Variants in NARS2 observed in about 807,000 individuals in gnomAD.
The protein encoded by NARS2 is asparaginyl-tRNA synthetase.
NARS2 carries 60 observed loss-of-function variants against 62.9 expected under a neutral mutation model. The observed-to-expected ratio is 0.95, with a 90% confidence interval of 0.77 to 1.18. The LOEUF is 1.18. NARS2 is among the 50% of genes most tolerant of loss of function. The pLI is 0.00. For missense variants in NARS2, 619 were observed against 576.4 expected (o/e 1.07, Z -0.76); for synonymous variants, 196 against 200.0 (o/e 0.98, Z 0.17).
chr11:78,476,956 A>AT (rs1859125839), intron 9 of NARS2, among the ~76,000 whole-genome samples: 1 of 152,084 alleles, frequency 6.6e-6, no homozygotes. Context: ...CTTTTACTCA[A>AT]CCTCTTTGCA....
intron 5 of NARS2, among the ~76,000 whole-genome samples, chr11:78,538,629 A>G (rs900445020): frequency 2.0e-5 from 3 of 152,126 alleles, no homozygotes; most frequent in Non-Finnish European, 2.9e-5. Flanking sequence ...GTACGTGGGA[A>G]GGGGGTGTCA....
At chr11:78,438,207 G>C (rs1461335862) in intron 13 of NARS2, among the ~76,000 whole-genome samples, 3 of 151,774 alleles carry the variant, frequency 2.0e-5, no homozygotes, top group Non-Finnish European at 4.4e-5. Flanking sequence ...CTTTTTAAAG[G>C]AAAAGATTAA....
chr11:78,486,949 T>C (rs1419848967), intron 7 of NARS2, among the ~76,000 whole-genome samples: 2 of 152,060 alleles, frequency 1.3e-5, no homozygotes, highest in African/African-American at 2.4e-5. Flanking sequence ...GGAAAATATG[T>C]GAAATAAAAA....
At chr11:78,445,949 G>T (rs1857744959) in intron 11 of NARS2, among the ~76,000 whole-genome samples, 1 of 152,040 alleles carries the variant, frequency 6.6e-6, no homozygotes, top group Non-Finnish European at 1.5e-5. Context: ...CGACAGGCAA[G>T]ACCTTGTCTC....
chr11:78,462,396 CA>C (rs774950007), intron 11 of NARS2, among the ~76,000 whole-genome samples: 16 of 152,078 alleles, frequency 1.1e-4, no homozygotes, highest in Non-Finnish European at 2.4e-4. Flanking sequence ...AATCATACAT[CA>C]ATTATGTTGC....
chr11:78,472,498 A>T (rs1299180157), intron 9 of NARS2, among the ~76,000 whole-genome samples: 1 of 152,236 alleles, frequency 6.6e-6, no homozygotes, highest in African/African-American at 2.4e-5. Context: ...TTTCAGAACC[A>T]TAATAATATA....
intron 1 of NARS2, among the ~76,000 whole-genome samples, chr11:78,572,958 C>T (rs1012175515): frequency 2.0e-5 from 3 of 152,140 alleles, no homozygotes; most frequent in Non-Finnish European, 4.4e-5. Flanking sequence ...TGGTAGCTAC[C>T]ATATCAGACC....
At chr11:78,489,800 C>G (rs1859738985) in intron 7 of NARS2, among the ~76,000 whole-genome samples, 1 of 152,136 alleles carries the variant, frequency 6.6e-6, no homozygotes, top group Non-Finnish European at 1.5e-5. Flanking sequence ...CATGTGTAAT[C>G]CCAACACTTT....
At chr11:78,553,509 G>A (rs547699214) in intron 5 of NARS2, among the ~76,000 whole-genome samples, 3 of 152,130 alleles carry the variant, frequency 2.0e-5, no homozygotes, top group Admixed American at 6.5e-5. Flanking sequence ...GGCTGGTCTC[G>A]AACTCCTGAC....
intron 10 of NARS2, among the ~76,000 whole-genome samples, chr11:78,467,567 A>T (rs11603914): frequency 0.49 from 65,036 of 132,864 alleles, 14,506 homozygotes; most frequent in Middle Eastern, 0.59. Context: ...ATAAATAAAT[A>T]AATTAATTAA....
chr11:78,542,853 C>T (rs948223591), intron 5 of NARS2, among the ~76,000 whole-genome samples: 1 of 152,188 alleles, frequency 6.6e-6, no homozygotes, highest in East Asian at 1.9e-4. Flanking sequence ...CAGCCATGAT[C>T]GCTGGCTCAT....
chr11:78,495,129 T>G (rs565346237), intron 6 of NARS2, among the ~76,000 whole-genome samples: 2 of 152,324 alleles, frequency 1.3e-5, no homozygotes, highest in East Asian at 3.9e-4. Flanking sequence ...CAAATCTGAT[T>G]ATGTCAGCCC....
intron 6 of NARS2, 92 bp downstream of exon 6, chr11:78,528,750 T>A: frequency 3.7e-6 from 3 of 811,090 alleles, no homozygotes; most frequent in Non-Finnish European, 6.2e-6. Flanking sequence ...TGATAAAGAC[T>A]AATTTCAACT....
intron 6 of NARS2, among the ~76,000 whole-genome samples, chr11:78,520,595 A>C (rs888031437): frequency 1.3e-5 from 2 of 152,218 alleles, no homozygotes; most frequent in Non-Finnish European, 2.9e-5. Context: ...AATTTATATT[A>C]AATTTTAACA....
chr11:78,444,801 T>C (rs938962221), intron 11 of NARS2, among the ~76,000 whole-genome samples: 1 of 144,082 alleles, frequency 6.9e-6, no homozygotes, highest in African/African-American at 2.6e-5. Context: ...TATAGGAAAA[T>C]AAAATAAAGA....
chr11:78,528,980 T>C, intron 5 of NARS2, 44 bp from the exon 6 acceptor site: 1 of 1,293,972 alleles, frequency 7.7e-7, no homozygotes, highest in South Asian at 1.2e-5. Context: ...TTAAATGTTT[T>C]GCTTTGCATT....
intron 11 of NARS2, among the ~76,000 whole-genome samples, chr11:78,447,418 C>T (rs968728851): frequency 2.6e-5 from 4 of 151,922 alleles, no homozygotes; most frequent in Admixed American, 6.6e-5. Context: ...AAATTAGTAC[C>T]GTCATTATGA....
chr11:78,454,881 T>A (rs1284428429), intron 11 of NARS2, among the ~76,000 whole-genome samples: 2 of 152,176 alleles, frequency 1.3e-5, no homozygotes, highest in Non-Finnish European at 2.9e-5. Flanking sequence ...CCTCCCAAAG[T>A]GCTGGGATCA....
At chr11:78,497,437 G>A (rs189076466) in intron 6 of NARS2, among the ~76,000 whole-genome samples, 27 of 152,090 alleles carry the variant, frequency 1.8e-4, no homozygotes, top group African/African-American at 6.5e-4. Flanking sequence ...TCTTTAGTTT[G>A]GGAAGAACTT....
Sources: allele counts gnomAD v4.1 joint callset (sites outside exome capture counted in the v4.1 genomes callset), GRCh38; gene constraint gnomAD v4.1.1; transcripts MANE v1.5; gene names NCBI Gene and HGNC (gene_info 2026-07-23, HGNC 2026-07-21).